Variants in QTGAL observed in about 807,000 individuals in gnomAD.
QTGAL encodes queuosine-tRNA galactosyltransferase.
the QTGAL span, among the ~76,000 whole-genome samples, chr17:83,017,257 A>C: frequency 0.034 from 5,202 of 152,290 alleles, 325 homozygotes; most frequent in African/African-American, 0.12. Flanking sequence ...TAAAAGGAGT[A>C]GTTCTAGTGT....
chr17:82,991,697 C>T, the QTGAL span, among the ~76,000 whole-genome samples: 1 of 152,102 alleles, frequency 6.6e-6, no homozygotes, highest in Non-Finnish European at 1.5e-5. Flanking sequence ...GAAAACATGA[C>T]CTTACCAAAT....
chr17:82,964,710 C>T, the QTGAL span, among the ~76,000 whole-genome samples: 1 of 144,100 alleles, frequency 6.9e-6, no homozygotes, highest in African/African-American at 2.6e-5. Context: ...AGGTGCACCC[C>T]CACGGGGGGA....
chr17:82,982,975 C>T, the QTGAL span, among the ~76,000 whole-genome samples: 2 of 152,166 alleles, frequency 1.3e-5, no homozygotes. Flanking sequence ...ACTCTCTGTG[C>T]TATTAATATT....
chr17:82,966,205 C>T, the QTGAL span, among the ~76,000 whole-genome samples: 4 of 151,558 alleles, frequency 2.6e-5, no homozygotes, highest in African/African-American at 9.7e-5. Flanking sequence ...GCGCACACCA[C>T]CGTGCCTGGC....
At chr17:83,024,506 C>CT in the QTGAL span, among the ~76,000 whole-genome samples, 1 of 152,206 alleles carries the variant, frequency 6.6e-6, no homozygotes, top group East Asian at 1.9e-4. Context: ...AGGTGGGTTG[C>CT]GTGTGGGGCC....
the QTGAL span, among the ~76,000 whole-genome samples, chr17:83,038,146 T>A: frequency 6.6e-6 from 1 of 152,216 alleles, no homozygotes; most frequent in African/African-American, 2.4e-5. Context: ...ACACTTTGGA[T>A]CTATGTTATC....
chr17:83,005,686 G>C, the QTGAL span: 24 of 702,768 alleles, frequency 3.4e-5, no homozygotes, highest in East Asian at 6.5e-4. This position sits in a 1 kb window ranked among gnomAD's most constrained non-coding sequence, Gnocchi z 5.6. Context: ...GTGGAGAAGA[G>C]CCTTGCTACC....
At chr17:83,035,199 G>A in the QTGAL span, 1 of 1,060,466 alleles carries the variant, frequency 9.4e-7, no homozygotes, top group Non-Finnish European at 1.3e-6. Flanking sequence ...TTTTTTTCGA[G>A]ATGGAGTTTC....
the QTGAL span, among the ~76,000 whole-genome samples, chr17:83,010,851 G>T: frequency 2.6e-5 from 4 of 152,160 alleles, no homozygotes; most frequent in African/African-American, 9.7e-5. Context: ...CTGTGGCCCA[G>T]GCTGCTTCAC....
chr17:83,021,630 G>T, the QTGAL span, among the ~76,000 whole-genome samples: 1 of 152,102 alleles, frequency 6.6e-6, no homozygotes, highest in Non-Finnish European at 1.5e-5. Context: ...AAATCAGCAG[G>T]CTTGACCAGT....
the QTGAL span, among the ~76,000 whole-genome samples, chr17:82,972,677 C>T: frequency 7.3e-4 from 82 of 112,340 alleles, 1 homozygote; most frequent in African/African-American, 1.8e-3. Context: ...CAGAAGGACC[C>T]GGTACTGACC....
At chr17:82,955,348 AT>A in the QTGAL span, among the ~76,000 whole-genome samples, 1 of 152,252 alleles carries the variant, frequency 6.6e-6, no homozygotes, top group Admixed American at 6.5e-5. Flanking sequence ...GCCAAGAAAC[AT>A]GAAAAAAAGC....
the QTGAL span, among the ~76,000 whole-genome samples, chr17:82,965,096 G>A: frequency 6.9e-6 from 1 of 145,562 alleles, no homozygotes. Context: ...CGGGGACACG[G>A]ATGCCTGCAG....
chr17:83,037,087 C>CA, the QTGAL span, among the ~76,000 whole-genome samples: 1 of 152,126 alleles, frequency 6.6e-6, no homozygotes, highest in East Asian at 1.9e-4. The surrounding 1 kb of genome is among the most constrained non-coding windows in gnomAD (Gnocchi z 5.2). Flanking sequence ...TCATACAAAG[C>CA]AAAACAGACG....
chr17:82,970,600 C>CACATGGT, the QTGAL span, among the ~76,000 whole-genome samples: 1 of 80,978 alleles, frequency 1.2e-5, no homozygotes, highest in African/African-American at 7.3e-5. Flanking sequence ...CCGCACCCGG[C>CACATGGT]GTGGCCGCGA....
At chr17:82,965,893 C>G in the QTGAL span, 13 of 826,806 alleles carry the variant, frequency 1.6e-5, no homozygotes, top group African/African-American at 2.2e-4. Flanking sequence ...GAGACTTCAC[C>G]ACGGGGCCGA....
chr17:83,042,343 G>A, the QTGAL span, among the ~76,000 whole-genome samples: 1 of 152,142 alleles, frequency 6.6e-6, no homozygotes, highest in African/African-American at 2.4e-5. Flanking sequence ...CTCCAGCCTG[G>A]GTGATGGAGT....
the QTGAL span, among the ~76,000 whole-genome samples, chr17:83,034,679 G>A: frequency 2.6e-5 from 4 of 152,172 alleles, no homozygotes; most frequent in African/African-American, 9.7e-5. Context: ...ACTGAATCAC[G>A]GGGGCGGGCA....
At chr17:83,040,021 G>A in the QTGAL span, among the ~76,000 whole-genome samples, 1 of 152,296 alleles carries the variant, frequency 6.6e-6, no homozygotes, top group Admixed American at 6.5e-5. Context: ...CGTCATAGCT[G>A]TAAGACTCCC....
Sources: allele counts gnomAD v4.1 joint callset (sites outside exome capture counted in the v4.1 genomes callset), GRCh38; gene constraint gnomAD v4.1.1; non-coding constraint Gnocchi (gnomAD v3.1); transcripts MANE v1.5; gene names NCBI Gene and HGNC (gene_info 2026-07-23, HGNC 2026-07-21).